Variants in GRAMD2B observed in about 807,000 individuals in gnomAD.
GRAMD2B encodes the protein GRAM domain-containing protein 2B.
In GRAMD2B, 41 loss-of-function variants were observed where a neutral mutation model predicts 59.2. That is an observed-to-expected ratio of 0.69 (90% CI 0.54 to 0.90). GRAMD2B has a LOEUF of 0.90. GRAMD2B is among the 40% of genes least tolerant of loss of function. The pLI, the probability that GRAMD2B is intolerant of heterozygous loss-of-function variation, is 0.00. For missense variants in GRAMD2B, 424 were observed against 500.5 expected (o/e 0.85, Z 1.46); for synonymous variants, 161 against 182.7 (o/e 0.88, Z 0.96).
intron 1 of GRAMD2B, among the ~76,000 whole-genome samples, chr5:126,455,046 T>C (rs1766033536): frequency 6.6e-6 from 1 of 152,200 alleles, no homozygotes; most frequent in African/African-American, 2.4e-5. Context: ...CCAGATAACC[T>C]TGGTGTTCTT....
Position 126,493,156 on chromosome 5 carries a change from ACT to A in GRAMD2B, c.*205_*206del, listed in dbSNP as rs1774234782. 1 of 562,096 alleles carries A rather than the reference ACT, an allele frequency of 1.8e-6. No individual in the cohort carries two copies. The highest frequency in any genetic ancestry group is 3.1e-5 in the Admixed American group (1 of 32,392). The allele number at this position is 562,096 out of a possible 1,614,324, so 34.8% of individuals were successfully genotyped here. On this transcript the variant is annotated 3_prime_UTR_variant, in exon 14 of 14. Transcript: ENST00000285689. ...TCTTGTGCAATAAAAGTTGACCTTG[ACT>A]CTCTGAGGAAGATTTTGCTGCTTTT...
At chr5:126,419,405 A>G (rs1759527120), upstream of GRAMD2B, among the ~76,000 whole-genome samples, 1 of 152,146 alleles carries the variant, frequency 6.6e-6, no homozygotes, top group African/African-American at 2.4e-5. Context: ...CTCTATCACA[A>G]GACAGCACTA....
upstream of GRAMD2B, among the ~76,000 whole-genome samples, chr5:126,422,341 C>A (rs1293095876): frequency 6.6e-6 from 1 of 152,014 alleles, no homozygotes; most frequent in Non-Finnish European, 1.5e-5. Flanking sequence ...GGATTACAAG[C>A]GCCTGCGCCA....
Position 126,477,711 on chromosome 5 carries a change from C to A in GRAMD2B, c.506C>A (p.Ser169Ter), listed in dbSNP as rs370875660. 1 of 1,605,668 alleles carries A rather than the reference C, an allele frequency of 6.2e-7. No homozygotes were observed. Among genetic ancestry groups the A allele is most frequent in the Non-Finnish European group, 8.5e-7 (1 of 1,172,390 alleles). Residue 169 changes from serine to a stop codon, truncating the protein, a stop_gained, in exon 6 of 14, where the codon TCG (serine) becomes TAG (stop). Coordinates refer to ENST00000285689, the MANE Select transcript of GRAMD2B (RefSeq NM_023927.4). LOFTEE classifies it high-confidence loss of function. ...TTTCAGATCTCTATTCCAGCTTTCT[C>A]GGTAACCCTAATAAAGAAAACCAAA... The part of the protein sequence containing the change: ...KDTKISIPAF[S>*]VTLIKKTKTA...
chr5:126,399,645 T>A (rs1441384682), intron 1 of GRAMD2B, among the ~76,000 whole-genome samples: 4 of 152,214 alleles, frequency 2.6e-5, no homozygotes, highest in African/African-American at 9.7e-5. Context: ...TCTCAGGCAG[T>A]TCTTTATAGC....
At chr5:126,364,108 C>T (rs1754339930) in intron 1 of GRAMD2B, among the ~76,000 whole-genome samples, 1 of 152,092 alleles carries the variant, frequency 6.6e-6, no homozygotes, top group African/African-American at 2.4e-5. Context: ...ATGTTCAAGG[C>T]AATATTTAAA....
intron 1 of GRAMD2B, among the ~76,000 whole-genome samples, chr5:126,448,464 G>A (rs1241501441): frequency 6.6e-6 from 1 of 152,120 alleles, no homozygotes; most frequent in Non-Finnish European, 1.5e-5. Context: ...CTCATCTTCA[G>A]CTTTATCCTG....
At chr5:126,462,703 T>G (rs1190776826) in intron 1 of GRAMD2B, among the ~76,000 whole-genome samples, 3 of 152,102 alleles carry the variant, frequency 2.0e-5, no homozygotes, top group African/African-American at 7.2e-5. Context: ...CTAAGATTTT[T>G]GGGAGAAAAG....
intron 2 of GRAMD2B, 113 bp from the exon 3 acceptor site, chr5:126,469,564 C>T (rs1581182379): frequency 4.2e-6 from 3 of 708,208 alleles, no homozygotes; most frequent in Non-Finnish European, 7.5e-6. Flanking sequence ...GAGTCCTGGA[C>T]GGGGAGGTTG....
chr5:126,476,825 T>C (rs1222146269), intron 5 of GRAMD2B, among the ~76,000 whole-genome samples: 3 of 152,168 alleles, frequency 2.0e-5, no homozygotes, highest in African/African-American at 7.2e-5. Context: ...ATGAAACAAG[T>C]GAGGAGGCGA....
chr5:126,480,582 G>C (rs1449274423), intron 7 of GRAMD2B, 45 bp from the exon 8 acceptor site: 2 of 1,607,774 alleles, frequency 1.2e-6, no homozygotes, highest in Non-Finnish European at 1.7e-6. Flanking sequence ...ATTTCTTATG[G>C]TTTCATAGTT....
At position 126,485,738 on chromosome 5, in the gene GRAMD2B, G is replaced by A. The variant is rs148813738; in HGVS notation, c.1023G>A (p.Pro341=). The part of the protein sequence containing the change: ...ILHKVKSQKC[P]MLHHILIFYA... ...ATAAAGTCAAGTCTCAGAAATGTCC[G>A]ATGCTTCACCATATTCTTATATTCT... The change falls in exon 11 of 14, where the codon CCG becomes CCA. Residue 341 remains proline (P), a synonymous_variant. Transcript: ENST00000285689. 64 of 1,611,600 alleles carry A rather than the reference G, an allele frequency of 4.0e-5. 1 individual carries two copies. The African/African-American group carries it at 5.2e-4, about 13-fold the overall frequency.
chr5:126,413,832 CT>C (rs1759037501), intron 1 of GRAMD2B, among the ~76,000 whole-genome samples: 1 of 152,048 alleles, frequency 6.6e-6, no homozygotes, highest in African/African-American at 2.4e-5. Context: ...TTGAATTGAA[CT>C]TTTTATCCCT....
intron 5 of GRAMD2B, among the ~76,000 whole-genome samples, chr5:126,475,458 C>CT (rs1205402929): frequency 6.6e-6 from 1 of 152,144 alleles, no homozygotes; most frequent in Non-Finnish European, 1.5e-5. Context: ...ATCTCAAATT[C>CT]TTTTTTTCCA....
intron 1 of GRAMD2B, among the ~76,000 whole-genome samples, chr5:126,388,573 A>G (rs950985406): frequency 9.9e-5 from 15 of 151,690 alleles, no homozygotes; most frequent in Non-Finnish European, 1.9e-4. Flanking sequence ...TGATTCCTGG[A>G]AAATATGAAT....
chr5:126,378,543 G>T (rs935546184), intron 1 of GRAMD2B, among the ~76,000 whole-genome samples: 2 of 152,056 alleles, frequency 1.3e-5, no homozygotes, highest in African/African-American at 4.8e-5. Flanking sequence ...ATAAAACCTG[G>T]ATCTGCCCTC....
Position 126,488,926 on chromosome 5 carries a change from C to G in GRAMD2B, c.1257+34C>G, listed in dbSNP as rs200604353. 1,974 of 1,492,916 alleles carry G rather than the reference C, an allele frequency of 1.3e-3. 10 individuals are homozygous for G. The highest frequency in any genetic ancestry group is 8.7e-4 in the Non-Finnish European group (932 of 1,071,666). 92.5% of individuals were successfully genotyped at this position (1,492,916 alleles called of 1,614,324 possible). A position where few individuals can be genotyped will look rare whatever the true frequency, so the allele number is the denominator to read the frequency against. The stretch of plus-strand genomic sequence containing the variant: ...TTTCTTTCCTGTGTATGGGGGCAGT[C>G]ACAGTAGTGCCTGTTGGTTGCCCTA... On this transcript the variant is annotated intron_variant, in intron 13 of 13. Transcript: ENST00000285689.
intron 1 of GRAMD2B, among the ~76,000 whole-genome samples, chr5:126,407,390 T>C (rs2149749830): frequency 6.6e-6 from 1 of 152,096 alleles, no homozygotes; most frequent in East Asian, 1.9e-4. Context: ...TCACCCTAGC[T>C]ATCGTAAGCC....
At chr5:126,360,526 G>T in intron 1 of GRAMD2B, 2 of 1,473,544 alleles carry the variant, frequency 1.4e-6, no homozygotes, top group Middle Eastern at 2.0e-4. Context: ...TGGTTTAAAA[G>T]GCCTTTTTGG....
Sources: gnomAD v4.1 joint callset for allele counts (sites outside exome capture counted in the v4.1 genomes callset) on GRCh38, gnomAD v4.1.1 for gene constraint, MANE v1.5 for transcripts, NCBI Gene and HGNC (gene_info 2026-07-23, HGNC 2026-07-21) for gene names.